SNAPIN: variants seen among roughly 807,000 people sequenced by gnomAD.
SNAPIN encodes the protein SNARE-associated protein Snapin.
SNAPIN carries 16 observed loss-of-function variants against 15.9 expected under a neutral mutation model. The observed-to-expected ratio is 1.01, with a 90% CI of 0.68 to 1.53. The LOEUF is 1.53. SNAPIN is among the 40% of genes most tolerant of loss of function. SNAPIN has a pLI of 0.00. For missense variants in SNAPIN, 186 were observed against 180.1 expected, an observed-to-expected ratio of 1.03 and a Z score of -0.19; for synonymous variants, 83 against 76.2, an observed-to-expected ratio of 1.09 and a Z score of -0.46.
chr1:153,659,034 T>G, intron 1 of SNAPIN, 104 bp from the exon 2 acceptor site: 1 of 1,550,822 alleles, frequency 6.4e-7, no homozygotes, highest in Admixed American at 1.8e-5. Context: ...GGTGGAGGGT[T>G]CAGCGGAGGC....
chr1:153,659,109 G>T (rs1285809263), intron 1 of SNAPIN, 29 bp from the exon 2 acceptor site: 1 of 1,613,450 alleles, frequency 6.2e-7, no homozygotes, highest in East Asian at 2.2e-5. Context: ...GTAACTGCCT[G>T]ACCTTGTAGG....
intron 2 of SNAPIN, 24 bp downstream of exon 2, chr1:153,659,208 C>T (rs1202852401): frequency 2.5e-6 from 4 of 1,612,704 alleles, no homozygotes; most frequent in Non-Finnish European, 3.4e-6. Context: ...CCTGTGTACC[C>T]GGAATTCTTC....
Position 153,659,471 on chromosome 1 carries a change from C to T in SNAPIN, c.214C>T (p.Gln72Ter). ...ATELCRINED[Q>*]KVALDLDPYV... ...AGAACTGTGCCGCATAAATGAGGATCAGAAGGTGGCCCTGGATCTTGACCC... is the reference window on the plus strand; with the variant it reads ...AGAACTGTGCCGCATAAATGAGGATTAGAAGGTGGCCCTGGATCTTGACCC... The change falls in exon 3 of 4, where the codon CAG becomes TAG. Residue 72 changes from glutamine (Q) to a stop codon, truncating the protein, a stop_gained. Coordinates refer to ENST00000368685, the MANE Select transcript of SNAPIN (RefSeq NM_012437.6). LOFTEE classifies it high-confidence loss of function. 6.2e-7 allele frequency: 1 copy of T among 1,613,956 alleles called. No homozygotes were observed. Among genetic ancestry groups the T allele is most frequent in the Non-Finnish European group, 8.5e-7 (1 of 1,179,874 alleles).
chr1:153,659,528 C>T lies in SNAPIN; in HGVS notation c.271C>T (p.Arg91Cys). 1.2e-6 allele frequency: 2 copies of T among 1,613,964 alleles called. No homozygotes were observed. The highest frequency in any genetic ancestry group is 1.1e-5 in the South Asian group (1 of 91,076). ...YVKKLLNARR[R>C]VVLVNNILQN... ...TAAGAAGCTACTTAATGCCCGGCGA[C>T]GCGTTGTCTTGGTTAACAACATTCT... Residue 91 changes from arginine to cysteine, a missense_variant, in exon 3 of 4, where the codon CGC becomes TGC. Coordinates refer to ENST00000368685, the MANE Select transcript of SNAPIN (RefSeq NM_012437.6).
rs1001203403 is a variant in SNAPIN, at chr1:153,661,358, A to G, written c.*57A>G. ...ACTGTTCCCCAGCTGCCTTGTTTCA[A>G]CAGACATGCAAAGATCCTAGGAGAC... On this transcript the variant is annotated 3_prime_UTR_variant, in exon 4 of 4. Transcript: ENST00000368685. 85 of 1,321,614 alleles carry G rather than the reference A, an allele frequency of 6.4e-5. No individual in the cohort carries two copies. The highest frequency in any genetic ancestry group is 1.3e-5 in the Non-Finnish European group (12 of 921,662). The allele number at this position is 1,321,614 out of a possible 1,614,324, so 81.9% of individuals were successfully genotyped here.
rs148527723 is a variant in SNAPIN at position 153,660,125 on chromosome 1, C to T, written c.309+559C>T. On this transcript the variant is annotated intron_variant, in intron 3 of 3. Transcript: ENST00000368685. ...GCAGCCTCTACCTCCCAGGCTCAAG[C>T]GATCCATCCACCTCAGCCTCCCAAG... Among the ~76,000 whole-genome samples, 806 of 152,160 alleles carry T rather than the reference C, an allele frequency of 5.3e-3. 12 individuals are homozygous for T. The highest frequency in any genetic ancestry group is 0.018 in the African/African-American group (763 of 41,516).
chr1:153,661,120 G>C, intron 3 of SNAPIN, 80 bp from the exon 4 acceptor site: 1 of 1,130,270 alleles, frequency 8.8e-7, no homozygotes, highest in South Asian at 1.2e-5. Context: ...GATCACGCCC[G>C]GTATTTTTCA....
intron 3 of SNAPIN, among the ~76,000 whole-genome samples, chr1:153,660,644 G>A (rs1172268414): frequency 5.5e-5 from 7 of 128,076 alleles, no homozygotes; most frequent in Middle Eastern, 4.5e-3. Flanking sequence ...GCGAAACTCC[G>A]TCTCGGGAAA....
At position 153,659,545 on chromosome 1, in the gene SNAPIN, C is replaced by G; in HGVS notation, c.288C>G (p.Asn96Lys). 1 of 1,612,524 alleles carries G rather than the reference C, an allele frequency of 6.2e-7. No homozygotes were observed. The highest frequency in any genetic ancestry group is 8.5e-7 in the Non-Finnish European group (1 of 1,178,496). ...CCCGGCGACGCGTTGTCTTGGTTAA[C>G]AACATTCTACAGAATGCTCAGGTAA... ...LNARRRVVLVNNILQNAQERL... is the reference protein window; with the variant it reads ...LNARRRVVLVKNILQNAQERL... Residue 96 changes from asparagine to lysine, a missense_variant, in exon 3 of 4, where the codon AAC (asparagine) becomes AAG (lysine). Coordinates refer to ENST00000368685, the MANE Select transcript of SNAPIN (RefSeq NM_012437.6).
Position 153,659,194 on chromosome 1 carries a change from C to T in SNAPIN, c.190+10C>T, listed in dbSNP as rs1435835573. On this transcript the variant is annotated intron_variant, in intron 2 of 3. Coordinates refer to ENST00000368685, the MANE Select transcript of SNAPIN (RefSeq NM_012437.6). ...GACAACCTAGCCACAGGTGAGTGAG[C>T]ATCCCTGTGTACCCGGAATTCTTCA... The T allele has an allele frequency of 4.3e-6, 7 of 1,613,750 alleles. No homozygotes were observed. The East Asian group carries it at 6.7e-5, about 15-fold the overall frequency.
Position 153,659,121 on chromosome 1 carries a change from C to T in SNAPIN, c.144-17C>T, listed in dbSNP as rs199885009. 3.1e-6 allele frequency: 5 copies of T among 1,613,912 alleles called. No individual in the cohort carries two copies. Among genetic ancestry groups the T allele is most frequent in the South Asian group, 2.2e-5 (2 of 91,072 alleles). On this transcript the variant is annotated splice_polypyrimidine_tract_variant and intron_variant, in intron 1 of 3. Coordinates refer to ENST00000368685, the MANE Select transcript of SNAPIN (RefSeq NM_012437.6). ...CCGGTAACTGCCTGACCTTGTAGGCCTTGTACCTCTTTGCAGAGAGAGCCA... is the reference window on the plus strand; with the variant it reads ...CCGGTAACTGCCTGACCTTGTAGGCTTTGTACCTCTTTGCAGAGAGAGCCA...
chr1:153,659,479 G>A lies in SNAPIN; in HGVS notation c.222G>A (p.Val74=). 1 of 1,614,060 alleles carries A rather than the reference G, an allele frequency of 6.2e-7. No individual in the cohort carries two copies. Residue 74 remains valine (V), a synonymous_variant, in exon 3 of 4, where the codon GTG becomes GTA. Transcript: ENST00000368685. ...GCCGCATAAATGAGGATCAGAAGGTGGCCCTGGATCTTGACCCCTATGTTA... is the reference window on the plus strand; with the variant it reads ...GCCGCATAAATGAGGATCAGAAGGTAGCCCTGGATCTTGACCCCTATGTTA... ...ELCRINEDQK[V]ALDLDPYVKK...
In SNAPIN at chr1:153,661,610, A is replaced by T. The variant is rs1358131625; in HGVS notation, c.*309A>T. ...AGGCTTACCTTCTTCAGGACTAGTT[A>T]ACCAGAGGGGCTTCCTTTGTATGTT... On this transcript the variant is annotated 3_prime_UTR_variant, in exon 4 of 4. Coordinates refer to ENST00000368685, the MANE Select transcript of SNAPIN (RefSeq NM_012437.6). 4.7e-6 allele frequency: 1 copy of T among 213,702 alleles called. No homozygotes were observed. The highest frequency in any genetic ancestry group is 9.8e-6 in the Non-Finnish European group (1 of 102,272). The allele number at this position is 213,702 out of a possible 1,614,324, so 13.2% of individuals were successfully genotyped here. A position where few individuals can be genotyped will look rare whatever the true frequency, so the allele number is the denominator to read the frequency against.
upstream of SNAPIN, chr1:153,658,674 G>A: frequency 6.9e-7 from 1 of 1,448,260 alleles, no homozygotes; most frequent in Non-Finnish European, 9.0e-7. Context: ...CTCACGGGGC[G>A]GGGCAGTGCG....
At chr1:153,660,802 G>C (rs1378554913) in intron 3 of SNAPIN, among the ~76,000 whole-genome samples, 5 of 89,464 alleles carry the variant, frequency 5.6e-5, no homozygotes, top group African/African-American at 2.3e-4. Context: ...TTTTTTTTTT[G>C]AGATGGAGTT....
chr1:153,661,782 C>G lies in SNAPIN; in HGVS notation c.*481C>G, dbSNP rs571343863. ...CTTTTTTATTGCACTGGCTTGAATACAGTAGCAGTGTTGATAGAATCATTT... is the reference window on the plus strand; with the variant it reads ...CTTTTTTATTGCACTGGCTTGAATAGAGTAGCAGTGTTGATAGAATCATTT... On this transcript the variant is annotated 3_prime_UTR_variant, in exon 4 of 4. Coordinates refer to ENST00000368685, the MANE Select transcript of SNAPIN (RefSeq NM_012437.6). 6.3e-6 allele frequency: 1 copy of G among 158,138 alleles called. No homozygotes were observed. The highest frequency in any genetic ancestry group is 1.8e-4 in the East Asian group (1 of 5,422). 9.8% of individuals were successfully genotyped at this position (158,138 alleles called of 1,614,324 possible).
At chr1:153,659,830 C>T (rs780968855) in intron 3 of SNAPIN, among the ~76,000 whole-genome samples, 6 of 152,074 alleles carry the variant, frequency 3.9e-5, no homozygotes, top group African/African-American at 7.2e-5. Flanking sequence ...ACCTCCGCCC[C>T]CTGGGCTCAA....
intron 3 of SNAPIN, 45 bp from the exon 4 acceptor site, chr1:153,661,155 A>C (rs1176628444): frequency 6.6e-7 from 1 of 1,520,766 alleles, no homozygotes; most frequent in Non-Finnish European, 9.1e-7. Context: ...TACACTCTCA[A>C]GCCTTTCACA....
Position 153,661,449 on chromosome 1 carries a change from C to A in SNAPIN, c.*148C>A. The A allele has an allele frequency of 1.7e-6, 1 of 579,184 alleles. No individual in the cohort carries two copies. Among genetic ancestry groups the A allele is most frequent in the Non-Finnish European group, 2.9e-6 (1 of 339,114 alleles). The allele number at this position is 579,184 out of a possible 1,614,324, so 35.9% of individuals were successfully genotyped here. A position where few individuals can be genotyped will look rare whatever the true frequency, so the allele number is the denominator to read the frequency against. The stretch of plus-strand genomic sequence containing the variant: ...AGTTTGTTTGAAGCACTTCGTCTTA[C>A]CCATTTATGTAGGGGCCCCAGGAAA... On this transcript the variant is annotated 3_prime_UTR_variant, in exon 4 of 4. Transcript: ENST00000368685.
Sources: allele counts gnomAD v4.1 joint callset (sites outside exome capture counted in the v4.1 genomes callset), GRCh38; gene constraint gnomAD v4.1.1; transcripts MANE v1.5; gene names NCBI Gene and HGNC (gene_info 2026-07-23, HGNC 2026-07-21).